NEK10: variants seen among roughly 807,000 people sequenced by gnomAD.
NEK10 encodes NIMA related kinase 10, also known as serine/threonine-protein kinase Nek10.
NEK10 carries 122 observed loss-of-function variants against 159.8 expected under a neutral mutation model. That is an observed-to-expected ratio of 0.76 (90% CI 0.66 to 0.89). The LOEUF (loss-of-function observed/expected upper bound fraction) is 0.89. Among genes scored for constraint, NEK10 ranks in the 40% least tolerant of loss-of-function variants. The probability of loss-of-function intolerance (pLI) is 0.00; values close to 1 mark genes in which losing one functional copy is unlikely to be tolerated. For synonymous variants in NEK10, 466 were observed against 457.1 expected (o/e 1.02, Z -0.25); for missense variants, 1,342 against 1,323.1 (o/e 1.01, Z -0.22).
chr3:27,241,291 T>C (rs536451933), intron 23 of NEK10, among the ~76,000 whole-genome samples: 5 of 152,338 alleles, frequency 3.3e-5, no homozygotes, highest in Non-Finnish European at 5.9e-5. Context: ...GTTGTTTTCA[T>C]TGTTAACTTG....
intron 30 of NEK10, among the ~76,000 whole-genome samples, chr3:27,155,701 A>C (rs1350388892): frequency 6.6e-6 from 1 of 152,114 alleles, no homozygotes; most frequent in Non-Finnish European, 1.5e-5. Context: ...AATATTGTGA[A>C]AATGACCATA....
chr3:27,222,339 C>T (rs1952200075), intron 23 of NEK10, among the ~76,000 whole-genome samples: 1 of 152,214 alleles, frequency 6.6e-6, no homozygotes, highest in Non-Finnish European at 1.5e-5. Context: ...TGCCACTGCA[C>T]TCCAGCCTGG....
At chr3:27,197,167 T>C (rs1049069992) in intron 25 of NEK10, among the ~76,000 whole-genome samples, 1 of 152,102 alleles carries the variant, frequency 6.6e-6, no homozygotes, top group African/African-American at 2.4e-5. Flanking sequence ...CTCTTTTTTT[T>C]TATTTTTATT....
intron 1 of NEK10, among the ~76,000 whole-genome samples, chr3:27,355,022 A>G (rs983391665): frequency 6.6e-6 from 1 of 151,570 alleles, no homozygotes; most frequent in Non-Finnish European, 1.5e-5. Flanking sequence ...AAGGAATGGG[A>G]GAGGCTCTGG....
In NEK10 at chr3:27,171,921, CT is replaced by C. The variant is rs35210928; in HGVS notation, c.2777-49del. The C allele has an allele frequency of 7.7e-6, 12 of 1,565,410 alleles. No individual in the cohort carries two copies. In the Admixed American group the frequency reaches 1.3e-4, roughly 17 times the overall value. On this transcript the variant is annotated intron_variant, in intron 28 of 35. Coordinates refer to ENST00000691995, the MANE Select transcript of NEK10 (RefSeq NM_001394966.1). ...ACTTTACATTATTTCCTCTGCAAATCTTTTATTTTTTATGTTTTAATAAAAC... is the reference window on the plus strand; with the variant it reads ...ACTTTACATTATTTCCTCTGCAAATCTTTATTTTTTATGTTTTAATAAAAC...
intron 9 of NEK10, chr3:27,309,360 T>A (rs1320195247): frequency 6.5e-6 from 1 of 154,790 alleles, no homozygotes; most frequent in African/African-American, 2.4e-5. Context: ...GTGAAAAAAA[T>A]TATGCCCTAT....
intron 23 of NEK10, among the ~76,000 whole-genome samples, chr3:27,204,292 TTTGTTG>T (rs1559605975): frequency 2.8e-5 from 3 of 106,396 alleles, no homozygotes; most frequent in African/African-American, 8.5e-5. Context: ...TTTTTTTTTT[TTTGTTG>T]TTGTTTTTTT....
chr3:27,149,151 A>T (rs1944588932), intron 30 of NEK10, among the ~76,000 whole-genome samples: 1 of 151,758 alleles, frequency 6.6e-6, no homozygotes, highest in African/African-American at 2.4e-5. Flanking sequence ...AATACAAAAA[A>T]ATCAGTGATT....
At chr3:27,297,897 C>G (rs1048461533) in intron 13 of NEK10, among the ~76,000 whole-genome samples, 5 of 152,124 alleles carry the variant, frequency 3.3e-5, no homozygotes, top group Non-Finnish European at 7.4e-5. Flanking sequence ...GCACAGAGCT[C>G]CTATAAAGGA....
intron 22 of NEK10, among the ~76,000 whole-genome samples, chr3:27,283,528 T>A (rs921517158): frequency 6.6e-6 from 1 of 152,304 alleles, no homozygotes; most frequent in Non-Finnish European, 1.5e-5. Flanking sequence ...GAAAAACATT[T>A]GGAGACTGCT....
chr3:27,258,004 G>T (rs529489330), intron 22 of NEK10, among the ~76,000 whole-genome samples: 50 of 151,776 alleles, frequency 3.3e-4, no homozygotes, highest in Non-Finnish European at 6.5e-4. Flanking sequence ...CACAGTGTTA[G>T]CCAGGATGGT....
chr3:27,301,749 G>C lies in NEK10; in HGVS notation c.1115C>G (p.Ser372Ter). The C allele has an allele frequency of 6.3e-7, 1 of 1,575,856 alleles. No individual in the cohort carries two copies. The highest frequency in any genetic ancestry group is 8.6e-7 in the Non-Finnish European group (1 of 1,158,500). Reference sequence around the variant, plus strand: ...TATTTCCCTAGGGCTCAAGTCTTCTGATAAATGAAGCTGCTGGATTCGGCC... The same window carrying C: ...TATTTCCCTAGGGCTCAAGTCTTCTCATAAATGAAGCTGCTGGATTCGGCC... ...AAGRIQQLHL[S>*]EDLSPREIQE... Residue 372 changes from serine (S) to a stop codon, truncating the protein, a stop_gained, in exon 13 of 36, where the codon TCA becomes TGA. Coordinates refer to ENST00000691995, the MANE Select transcript of NEK10 (RefSeq NM_001394966.1). LOFTEE classifies it high-confidence loss of function.
At chr3:27,153,526 A>C (rs895338481) in intron 30 of NEK10, among the ~76,000 whole-genome samples, 5 of 152,192 alleles carry the variant, frequency 3.3e-5, no homozygotes, top group African/African-American at 1.2e-4. Flanking sequence ...AGTGCATGGA[A>C]CTTTCTCCAA....
chr3:27,351,840 T>C (rs2047992406), intron 3 of NEK10, among the ~76,000 whole-genome samples: 1 of 152,074 alleles, frequency 6.6e-6, no homozygotes, highest in Non-Finnish European at 1.5e-5. Context: ...ATTGCTATGC[T>C]GTTCCCCAAG....
chr3:27,277,003 A>G (rs543983687), intron 22 of NEK10, among the ~76,000 whole-genome samples: 17 of 152,316 alleles, frequency 1.1e-4, no homozygotes, highest in East Asian at 5.8e-4. Flanking sequence ...AGTCAACACA[A>G]TATAAGAAGG....
At chr3:27,143,302 A>G (rs2125588675) in intron 30 of NEK10, 1 of 483,526 alleles carries the variant, frequency 2.1e-6, no homozygotes, top group Non-Finnish European at 3.6e-6. Flanking sequence ...AATCATTTTT[A>G]TACTATGTTT....
At chr3:27,355,633 G>A (rs995834535) in intron 1 of NEK10, among the ~76,000 whole-genome samples, 4 of 152,020 alleles carry the variant, frequency 2.6e-5, no homozygotes, top group Non-Finnish European at 5.9e-5. Flanking sequence ...TTCTCTGCCT[G>A]GATGACTGCC....
At chr3:27,342,809 G>C (rs975233076) in intron 5 of NEK10, among the ~76,000 whole-genome samples, 2 of 141,376 alleles carry the variant, frequency 1.4e-5, no homozygotes, top group African/African-American at 5.0e-5. Flanking sequence ...ATGTGAGCTG[G>C]CTTTAAAAAA....
Position 27,293,615 on chromosome 3 carries a change from A to G in NEK10, c.1346T>C (p.Met449Thr). 3 of 1,579,434 alleles carry G rather than the reference A, an allele frequency of 1.9e-6. No homozygotes were observed. The highest frequency in any genetic ancestry group is 1.3e-5 in the African/African-American group (1 of 74,280). ...AFRALRFLFS[M>T]ERNRPLFKRL... ...TTTAAAGAGTGGTCTGTTTCTTTCCATACTGAAGAGAAATCTCAAGGCTCT... is the reference window on the plus strand; with the variant it reads ...TTTAAAGAGTGGTCTGTTTCTTTCCGTACTGAAGAGAAATCTCAAGGCTCT... The change falls in exon 16 of 36, where the codon ATG becomes ACG. Residue 449 changes from methionine (M) to threonine (T), a missense_variant. Physicochemically the swap from Met to Thr is moderately conservative, Grantham distance 81. Transcript: ENST00000691995.
Sources: gnomAD v4.1 joint callset for allele counts (sites outside exome capture counted in the v4.1 genomes callset) on GRCh38, gnomAD v4.1.1 for gene constraint, MANE v1.5 for transcripts, NCBI Gene and HGNC (gene_info 2026-07-23, HGNC 2026-07-21) for gene names.